Variants in ERBB4 observed in about 807,000 individuals in gnomAD.
ERBB4 encodes the protein erb-b2 receptor tyrosine kinase 4, also known as receptor tyrosine-protein kinase erbB-4.
ERBB4 carries 42 observed loss-of-function variants against 158.0 expected under a neutral mutation model. That is an observed-to-expected ratio of 0.27 (90% CI 0.21 to 0.34). The LOEUF is 0.34. Ranked by LOEUF, ERBB4 falls within the 10% of genes least tolerant of loss-of-function variation. The probability of loss-of-function intolerance (pLI) is 1.00; values close to 1 mark genes in which losing one functional copy is unlikely to be tolerated. For missense variants in ERBB4, 1,333 were observed against 1,624.1 expected (o/e 0.82, Z 3.08); for synonymous variants, 583 against 558.7 (o/e 1.04, Z -0.61).
intron 25 of ERBB4, among the ~76,000 whole-genome samples, chr2:211,396,542 A>G (rs966741809): frequency 5.3e-5 from 8 of 152,174 alleles, no homozygotes; most frequent in African/African-American, 1.7e-4. Context: ...CAACATTTCA[A>G]TAATAGTATT....
At chr2:212,409,767 C>T (rs1359383549) in intron 1 of ERBB4, among the ~76,000 whole-genome samples, 1 of 152,032 alleles carries the variant, frequency 6.6e-6, no homozygotes, top group East Asian at 1.9e-4. Context: ...CAGTCTCCAA[C>T]AGGATGATAA....
intron 1 of ERBB4, among the ~76,000 whole-genome samples, chr2:212,420,725 TA>T (rs2091772919): frequency 6.6e-6 from 1 of 152,156 alleles, no homozygotes; most frequent in Non-Finnish European, 1.5e-5. Flanking sequence ...TCAGGCGTTA[TA>T]AAGAATTTTG....
chr2:211,407,078 T>A (rs1341257731), intron 25 of ERBB4, among the ~76,000 whole-genome samples: 1 of 152,006 alleles, frequency 6.6e-6, no homozygotes, highest in Non-Finnish European at 1.5e-5. Flanking sequence ...AGACTCTGTC[T>A]CAAAAAAATA....
chr2:211,898,379 C>T (rs879628482), intron 3 of ERBB4, among the ~76,000 whole-genome samples: 1 of 151,908 alleles, frequency 6.6e-6, no homozygotes, highest in Non-Finnish European at 1.5e-5. Context: ...GTGCCTTTAG[C>T]CATAAGAATT....
intron 1 of ERBB4, among the ~76,000 whole-genome samples, chr2:212,293,758 G>T (rs1017175062): frequency 7.8e-5 from 11 of 141,102 alleles, no homozygotes; most frequent in African/African-American, 2.8e-4. Flanking sequence ...TGAGGCAGGG[G>T]AATTGCTTGA....
chr2:211,590,392 T>C (rs57670074), intron 19 of ERBB4, among the ~76,000 whole-genome samples: 12,549 of 152,268 alleles, frequency 0.082, 1,351 homozygotes, highest in African/African-American at 0.25. Flanking sequence ...GTCACATAGC[T>C]GGAGGCTACA....
chr2:211,772,632 T>A (rs1040805885), intron 4 of ERBB4, among the ~76,000 whole-genome samples: 1 of 150,738 alleles, frequency 6.6e-6, no homozygotes, highest in Non-Finnish European at 1.5e-5. Context: ...AACAAAATTA[T>A]GTTGATAACT....
intron 1 of ERBB4, among the ~76,000 whole-genome samples, chr2:212,487,777 G>A (rs910431315): frequency 6.6e-6 from 1 of 152,086 alleles, no homozygotes; most frequent in African/African-American, 2.4e-5. Flanking sequence ...CAAGCATTGA[G>A]CTTAGCCTAC....
intron 20 of ERBB4, among the ~76,000 whole-genome samples, chr2:211,490,273 G>A: frequency 6.6e-6 from 1 of 150,724 alleles, no homozygotes; most frequent in East Asian, 2.0e-4. Flanking sequence ...TCTATTCATT[G>A]TTACCATTAG....
At chr2:211,403,599 A>ACTTTAACTACCATATAGCTG (rs1228876183) in intron 25 of ERBB4, among the ~76,000 whole-genome samples, 1 of 152,124 alleles carries the variant, frequency 6.6e-6, no homozygotes, top group Non-Finnish European at 1.5e-5. Context: ...TCTCCACTGC[A>ACTTTAACTACCATATAGCTG]CTTTAACTAC....
chr2:211,941,472 T>C (rs893786386), intron 3 of ERBB4, among the ~76,000 whole-genome samples: 1 of 152,092 alleles, frequency 6.6e-6, no homozygotes, highest in African/African-American at 2.4e-5. Flanking sequence ...AATATGTCTC[T>C]TGTGTAGGTC....
chr2:211,937,389 T>C (rs572253224), intron 3 of ERBB4, among the ~76,000 whole-genome samples: 18 of 152,194 alleles, frequency 1.2e-4, no homozygotes, highest in Non-Finnish European at 2.4e-4. Flanking sequence ...ATTCTAGAAA[T>C]AATTCTTAAC....
At chr2:212,348,551 G>A (rs2106335508) in intron 1 of ERBB4, among the ~76,000 whole-genome samples, 1 of 152,180 alleles carries the variant, frequency 6.6e-6, no homozygotes. Context: ...GTCACATTCT[G>A]AGAAGCAAGG....
At chr2:211,426,039 A>ATAGAG (rs1206287812) in intron 22 of ERBB4, among the ~76,000 whole-genome samples, 4 of 152,070 alleles carry the variant, frequency 2.6e-5, no homozygotes, top group African/African-American at 9.7e-5. Flanking sequence ...GTTATAAAAG[A>ATAGAG]TAGAGTAGAT....
chr2:212,417,320 T>C (rs2091679575), intron 1 of ERBB4, among the ~76,000 whole-genome samples: 1 of 152,068 alleles, frequency 6.6e-6, no homozygotes, highest in Non-Finnish European at 1.5e-5. Flanking sequence ...TCACTTATAC[T>C]GTCTTAAATT....
chr2:212,123,139 C>T (rs1214420365), intron 2 of ERBB4, among the ~76,000 whole-genome samples: 1 of 152,188 alleles, frequency 6.6e-6, no homozygotes, highest in African/African-American at 2.4e-5. Flanking sequence ...CGGTGGCTCA[C>T]GCCTGTAATC....
intron 1 of ERBB4, among the ~76,000 whole-genome samples, chr2:212,136,203 T>C (rs2080266422): frequency 1.3e-5 from 2 of 152,206 alleles, no homozygotes; most frequent in Non-Finnish European, 2.9e-5. Flanking sequence ...GATACTATAC[T>C]CACATATCAA....
At chr2:212,229,209 AAG>A (rs1442732654) in intron 1 of ERBB4, among the ~76,000 whole-genome samples, 1 of 152,202 alleles carries the variant, frequency 6.6e-6, no homozygotes, top group Non-Finnish European at 1.5e-5. Context: ...ACAAAGTTAG[AAG>A]AGAGGGAAAC....
intron 16 of ERBB4, among the ~76,000 whole-genome samples, chr2:211,656,648 ATC>A (rs1222170759): frequency 9.9e-5 from 15 of 152,138 alleles, no homozygotes; most frequent in Admixed American, 7.9e-4. Context: ...TTATCCTCCG[ATC>A]TCCAGCTCTT....
Sources: gnomAD v4.1 joint callset for allele counts (sites outside exome capture counted in the v4.1 genomes callset) on GRCh38, gnomAD v4.1.1 for gene constraint, MANE v1.5 for transcripts, NCBI Gene and HGNC (gene_info 2026-07-23, HGNC 2026-07-21) for gene names.